CHRNA7: variants seen among roughly 807,000 people sequenced by gnomAD.
CHRNA7 encodes cholinergic receptor nicotinic alpha 7 subunit.
Under a neutral mutation model 48.0 loss-of-function variants are expected in CHRNA7, and 17 were observed. The observed-to-expected ratio is 0.35, with a 90% CI of 0.24 to 0.53. The LOEUF is 0.53. Among genes scored for constraint, CHRNA7 ranks in the 20% least tolerant of loss-of-function variants. The pLI, the probability that CHRNA7 is intolerant of heterozygous loss-of-function variation, is 0.92. For missense variants in CHRNA7, 155 were observed against 577.7 expected (o/e 0.27, Z 7.50); for synonymous variants, 75 against 242.3 (o/e 0.31, Z 6.41).
At chr15:32,066,239 A>G (rs2049963785) in intron 2 of CHRNA7, among the ~76,000 whole-genome samples, 1 of 152,144 alleles carries the variant, frequency 6.6e-6, no homozygotes, top group South Asian at 2.1e-4. Context: ...GCAACAACAA[A>G]CCTAGGGTTG....
intron 4 of CHRNA7, among the ~76,000 whole-genome samples, chr15:32,121,484 C>T (rs1415311401): frequency 1.3e-5 from 2 of 152,244 alleles, no homozygotes; most frequent in Non-Finnish European, 2.9e-5. Context: ...TCCACATCCT[C>T]GTGCCTTTCC....
intron 2 of CHRNA7, among the ~76,000 whole-genome samples, chr15:32,072,422 TTCAGGAGAGGACAATAAGCAGATTGTG>T (rs1292688515): frequency 6.6e-6 from 1 of 151,922 alleles, no homozygotes; most frequent in Non-Finnish European, 1.5e-5. Flanking sequence ...AAAAAGCATT[TTCAGGAGAGGACAATAAGCAGATTGTG>T]TCAGGAGAGG....
chr15:32,075,662 G>C (rs1176909952), intron 2 of CHRNA7, among the ~76,000 whole-genome samples: 2 of 151,752 alleles, frequency 1.3e-5, no homozygotes, highest in African/African-American at 4.8e-5. Context: ...TTGTATCATT[G>C]ATTTTCTCTA....
At chr15:32,069,931 C>T (rs1388073441) in intron 2 of CHRNA7, among the ~76,000 whole-genome samples, 1 of 152,054 alleles carries the variant, frequency 6.6e-6, no homozygotes, top group African/African-American at 2.4e-5. Flanking sequence ...CTTGAAAGTA[C>T]TACATATGCT....
chr15:32,125,036 C>T (rs1015212223), intron 4 of CHRNA7, among the ~76,000 whole-genome samples: 2 of 152,150 alleles, frequency 1.3e-5, no homozygotes, highest in Admixed American at 6.5e-5. Flanking sequence ...TTTCAACTGC[C>T]GGGTGGATGC....
At chr15:32,039,911 C>T (rs1035966485) in intron 2 of CHRNA7, among the ~76,000 whole-genome samples, 1 of 152,046 alleles carries the variant, frequency 6.6e-6, no homozygotes, top group Admixed American at 6.5e-5. Flanking sequence ...GTTTTTGCCT[C>T]ATTAGTTTGA....
chr15:32,075,197 C>G (rs2050118882), intron 2 of CHRNA7, among the ~76,000 whole-genome samples: 1 of 152,006 alleles, frequency 6.6e-6, no homozygotes, highest in Admixed American at 6.6e-5. Context: ...TTCTTTGTTT[C>G]TGTAAGCAGG....
chr15:32,050,927 C>T (rs2049659828), intron 2 of CHRNA7, among the ~76,000 whole-genome samples: 1 of 152,188 alleles, frequency 6.6e-6, no homozygotes, highest in South Asian at 2.1e-4. Flanking sequence ...ACCCTGTTTG[C>T]CTGGGTATCA....
At chr15:32,144,549 C>T (rs1241570571) in intron 4 of CHRNA7, among the ~76,000 whole-genome samples, 1 of 152,204 alleles carries the variant, frequency 6.6e-6, no homozygotes, top group African/African-American at 2.4e-5. Flanking sequence ...CTTTCAGGTA[C>T]ACCAATCAAA....
At chr15:32,145,437 C>G (rs140982284) in intron 4 of CHRNA7, among the ~76,000 whole-genome samples, 135 of 152,306 alleles carry the variant, frequency 8.9e-4, no homozygotes, top group African/African-American at 2.6e-3. Flanking sequence ...CTGGGAGAAC[C>G]AGTGCTCTCT....
At chr15:32,078,845 C>T (rs1462418517) in intron 2 of CHRNA7, among the ~76,000 whole-genome samples, 1 of 151,914 alleles carries the variant, frequency 6.6e-6, no homozygotes, top group African/African-American at 2.4e-5. Context: ...AGAGATACAA[C>T]AAAAAAAGAA....
At chr15:32,131,061 GT>G (rs937971840) in intron 4 of CHRNA7, among the ~76,000 whole-genome samples, 1 of 151,842 alleles carries the variant, frequency 6.6e-6, no homozygotes, top group African/African-American at 2.4e-5. Flanking sequence ...GTTTAGTTTT[GT>G]TTTTCCCCCT....
chr15:32,038,657 C>T (rs1315296006), intron 2 of CHRNA7, among the ~76,000 whole-genome samples: 2 of 152,186 alleles, frequency 1.3e-5, no homozygotes, highest in African/African-American at 4.8e-5. Flanking sequence ...GCGTGAGCCA[C>T]CACAACGTGC....
At chr15:32,074,552 C>T (rs745734368) in intron 2 of CHRNA7, among the ~76,000 whole-genome samples, 34 of 150,520 alleles carry the variant, frequency 2.3e-4, no homozygotes, top group Non-Finnish European at 4.3e-4. Flanking sequence ...GCCTTTATTC[C>T]GACTTTTTTG....
intron 2 of CHRNA7, among the ~76,000 whole-genome samples, chr15:32,034,871 G>T (rs1008307901): frequency 6.6e-6 from 1 of 152,164 alleles, no homozygotes; most frequent in Non-Finnish European, 1.5e-5. Context: ...TTAAACAGGG[G>T]AGGGAAGTAA....
chr15:32,128,571 G>C (rs2051106894), intron 4 of CHRNA7, among the ~76,000 whole-genome samples: 1 of 151,380 alleles, frequency 6.6e-6, no homozygotes, highest in African/African-American at 2.4e-5. Context: ...CATGTTTACT[G>C]TTAGTATAGC....
At chr15:32,044,038 A>G (rs1216601158) in intron 2 of CHRNA7, among the ~76,000 whole-genome samples, 1 of 152,226 alleles carries the variant, frequency 6.6e-6, no homozygotes, top group Non-Finnish European at 1.5e-5. Flanking sequence ...TTAAGAGGTC[A>G]GCTGTATGCC....
intron 2 of CHRNA7, among the ~76,000 whole-genome samples, chr15:32,093,191 C>G (rs538919114): frequency 6.6e-6 from 1 of 150,514 alleles, no homozygotes; most frequent in South Asian, 2.1e-4. Flanking sequence ...CCTCTTTCTC[C>G]TCTACTCCAC....
At chr15:32,070,834 C>A (rs1233090644) in intron 2 of CHRNA7, among the ~76,000 whole-genome samples, 1 of 151,454 alleles carries the variant, frequency 6.6e-6, no homozygotes, top group Non-Finnish European at 1.5e-5. Context: ...CTACAGGCAC[C>A]CACTACCATG....
Sources: gnomAD v4.1 joint callset for allele counts (sites outside exome capture counted in the v4.1 genomes callset) on GRCh38, gnomAD v4.1.1 for gene constraint, MANE v1.5 for transcripts, NCBI Gene and HGNC (gene_info 2026-07-23, HGNC 2026-07-21) for gene names.